The following LYZL4 variants were observed in gnomAD, a reference collection of about 807,000 sequenced individuals.
LYZL4 encodes lysozyme like 4.
LYZL4 carries 13 observed loss-of-function variants against 17.6 expected under a neutral mutation model. That is an observed-to-expected ratio of 0.74 (90% CI 0.48 to 1.18). The LOEUF is 1.18. Ranked by LOEUF, LYZL4 falls within the 50% of genes most tolerant of loss-of-function variation. The pLI is 0.00. For missense variants in LYZL4, 174 were observed against 188.2 expected (o/e 0.92, Z 0.44); for synonymous variants, 64 against 67.7 (o/e 0.95, Z 0.27).
At chr3:42,362,563 C>A in the LYZL4 span, among the ~76,000 whole-genome samples, 86 of 152,320 alleles carry the variant, frequency 5.6e-4, no homozygotes, top group East Asian at 0.01. Context: ...ATAGATGGAA[C>A]CTTCTAGCTG....
chr3:42,370,463 T>G, the LYZL4 span, among the ~76,000 whole-genome samples: 3 of 152,132 alleles, frequency 2.0e-5, no homozygotes, highest in Admixed American at 6.5e-5. Flanking sequence ...TAGCCCCTGG[T>G]CCAGGGAGAA....
chr3:42,404,201 G>A (rs1698708680), intron 3 of LYZL4, 77 bp from the exon 4 acceptor site: 2 of 871,542 alleles, frequency 2.3e-6, no homozygotes, highest in Non-Finnish European at 3.7e-6. Context: ...GAAGGTACAG[G>A]GTACTCACAT....
In LYZL4 at chr3:42,407,116, T is replaced by C. The variant is rs1010205037; in HGVS notation, c.136A>G (p.Asn46Asp). The C allele has an allele frequency of 3.7e-5, 60 of 1,613,974 alleles. No individual in the cohort carries two copies. The highest frequency in any genetic ancestry group is 5.1e-5 in the Non-Finnish European group (60 of 1,180,010). The change falls in exon 2 of 5, where the codon AAC (asparagine) becomes GAC (aspartate). Residue 46 changes from asparagine (N) to aspartate (D), a missense_variant. Coordinates refer to ENST00000287748, the MANE Select transcript of LYZL4 (RefSeq NM_144634.4). ...LDYFEGYSLE[N>D]WVCLAYFESK... ...GCACTAAGTGGGGCCTACTCACAGT[T>C]CTCAAGGCTATAGCCCTCAAAATAA...
At chr3:42,361,328 T>A in the LYZL4 span, among the ~76,000 whole-genome samples, 4 of 152,170 alleles carry the variant, frequency 2.6e-5, no homozygotes, top group African/African-American at 9.7e-5. Flanking sequence ...CACATCTTCA[T>A]AGCAAACCAA....
the LYZL4 span, among the ~76,000 whole-genome samples, chr3:42,372,644 T>TA: frequency 3.9e-5 from 6 of 152,200 alleles, no homozygotes; most frequent in Non-Finnish European, 5.9e-5. Context: ...GAGGTATTTA[T>TA]CCACCCCAAC....
chr3:42,367,794 A>G, the LYZL4 span, among the ~76,000 whole-genome samples: 1 of 152,238 alleles, frequency 6.6e-6, no homozygotes, highest in African/African-American at 2.4e-5. Flanking sequence ...CTAAAATGCT[A>G]TCTTTCTTTA....
the LYZL4 span, among the ~76,000 whole-genome samples, chr3:42,362,901 T>C: frequency 0.071 from 10,750 of 152,192 alleles, 1,295 homozygotes; most frequent in African/African-American, 0.25. Context: ...CCTAGCATCC[T>C]TTACCATGGG....
At chr3:42,362,127 T>C in the LYZL4 span, among the ~76,000 whole-genome samples, 5 of 152,122 alleles carry the variant, frequency 3.3e-5, no homozygotes, top group African/African-American at 1.2e-4. Context: ...CAGAGAACCA[T>C]AAGAGAGGGG....
the LYZL4 span, among the ~76,000 whole-genome samples, chr3:42,372,859 C>G: frequency 6.6e-6 from 1 of 152,126 alleles, no homozygotes; most frequent in African/African-American, 2.4e-5. Context: ...TACAAGGGTC[C>G]AAAGCTCATC....
the LYZL4 span, among the ~76,000 whole-genome samples, chr3:42,373,823 C>T: frequency 4.2e-4 from 64 of 152,258 alleles, no homozygotes; most frequent in African/African-American, 1.5e-3. Context: ...GAAATTCCCA[C>T]TGGGTTTGAA....
At chr3:42,397,468 A>G (rs1332631227) in intron 4 of LYZL4, 134 bp from the exon 5 acceptor site, 2 of 625,096 alleles carry the variant, frequency 3.2e-6, no homozygotes, top group African/African-American at 3.7e-5. Context: ...TGCCGTGGGC[A>G]CGATTCTGAA....
At chr3:42,381,575 C>T in the LYZL4 span, among the ~76,000 whole-genome samples, 1 of 152,008 alleles carries the variant, frequency 6.6e-6, no homozygotes, top group Admixed American at 6.6e-5. Context: ...CCGGAAGGAG[C>T]AAGAATTTAC....
intron 4 of LYZL4, among the ~76,000 whole-genome samples, chr3:42,398,221 C>A (rs901655951): frequency 6.6e-6 from 1 of 152,094 alleles, no homozygotes; most frequent in African/African-American, 2.4e-5. Context: ...AGTCTTCTCC[C>A]TTCCTGTCTG....
chr3:42,370,281 C>T, the LYZL4 span, among the ~76,000 whole-genome samples: 5 of 140,002 alleles, frequency 3.6e-5, no homozygotes, highest in Admixed American at 3.7e-4. Context: ...CCCACACAGA[C>T]ACCACCCACC....
At chr3:42,380,744 TA>T in the LYZL4 span, among the ~76,000 whole-genome samples, 1 of 151,982 alleles carries the variant, frequency 6.6e-6, no homozygotes, top group Non-Finnish European at 1.5e-5. Flanking sequence ...GCTTCTGGAG[TA>T]AACTAGTCAA....
At chr3:42,377,623 CTCTGTGTG>C in the LYZL4 span, among the ~76,000 whole-genome samples, 139 of 92,628 alleles carry the variant, frequency 1.5e-3, no homozygotes, top group African/African-American at 5.8e-3. Flanking sequence ...ATGCATGACT[CTCTGTGTG>C]TGTGTGTGTG....
At chr3:42,383,706 G>C in the LYZL4 span, among the ~76,000 whole-genome samples, 1 of 151,826 alleles carries the variant, frequency 6.6e-6, no homozygotes, top group Non-Finnish European at 1.5e-5. Context: ...TAATAAAAAA[G>C]GGAGAAAGAA....
At chr3:42,363,072 A>G in the LYZL4 span, among the ~76,000 whole-genome samples, 6,318 of 152,338 alleles carry the variant, frequency 0.041, 210 homozygotes, top group Middle Eastern at 0.11. Flanking sequence ...TGAACTGTGA[A>G]GAAGCAATTA....
chr3:42,394,910 T>A (rs983819866), downstream of LYZL4, among the ~76,000 whole-genome samples: 1 of 152,192 alleles, frequency 6.6e-6, no homozygotes, highest in Non-Finnish European at 1.5e-5. Flanking sequence ...TGGGTTAAGA[T>A]TGGATTGAGG....
Sources: allele counts gnomAD v4.1 joint callset (sites outside exome capture counted in the v4.1 genomes callset), GRCh38; gene constraint gnomAD v4.1.1; transcripts MANE v1.5; gene names NCBI Gene and HGNC (gene_info 2026-07-23, HGNC 2026-07-21).